Variants in TRERF1 observed in about 807,000 individuals in gnomAD.
The protein encoded by TRERF1 is transcriptional regulating factor 1.
In TRERF1, 27 loss-of-function variants were observed where a neutral mutation model predicts 122.9. That is an observed-to-expected ratio of 0.22 (90% CI 0.16 to 0.30). The LOEUF (loss-of-function observed/expected upper bound fraction) is 0.30, where lower values mean the gene tolerates loss of function less well. Among genes scored for constraint, TRERF1 ranks in the 10% least tolerant of loss-of-function variants. The pLI is 1.00. For synonymous variants in TRERF1, 636 were observed against 641.7 expected, an observed-to-expected ratio of 0.99 and a Z score of 0.13; for missense variants, 1,248 against 1,560.3, an observed-to-expected ratio of 0.80 and a Z score of 3.37.
At chr6:42,384,508 C>T (rs1776464691) in intron 2 of TRERF1, among the ~76,000 whole-genome samples, 1 of 152,100 alleles carries the variant, frequency 6.6e-6, no homozygotes, top group Non-Finnish European at 1.5e-5. Flanking sequence ...AAAGTGGTTA[C>T]CTATTGAGAG....
chr6:42,336,602 C>T (rs2150644632), intron 3 of TRERF1, among the ~76,000 whole-genome samples: 1 of 152,338 alleles, frequency 6.6e-6, no homozygotes, highest in Middle Eastern at 3.4e-3. Flanking sequence ...GATCATCCCT[C>T]TTTCCCCACT....
chr6:42,378,120 G>A (rs1012587834), intron 2 of TRERF1, among the ~76,000 whole-genome samples: 3 of 152,078 alleles, frequency 2.0e-5, no homozygotes, highest in Non-Finnish European at 4.4e-5. Context: ...ACAGCTCATT[G>A]GCCAGGTTGA....
At chr6:42,374,462 G>A (rs1187481949) in intron 2 of TRERF1, among the ~76,000 whole-genome samples, 1 of 152,192 alleles carries the variant, frequency 6.6e-6, no homozygotes. Context: ...GGAGGTAATA[G>A]CTTCCCACTG....
chr6:42,377,886 G>A (rs1306327614), intron 2 of TRERF1, among the ~76,000 whole-genome samples: 1 of 152,208 alleles, frequency 6.6e-6, no homozygotes, highest in Non-Finnish European at 1.5e-5. Context: ...CTGGCTTTAG[G>A]AACATGCAGC....
chr6:42,240,868 C>A (rs1237317519), intron 15 of TRERF1, among the ~76,000 whole-genome samples: 1 of 152,046 alleles, frequency 6.6e-6, no homozygotes, highest in Non-Finnish European at 1.5e-5. Flanking sequence ...GTTGACTGAA[C>A]TGGAGGAGAG....
chr6:42,227,373 C>T (rs757452569), exon 18 of TRERF1: 1 of 152,190 alleles, frequency 6.6e-6, no homozygotes. Flanking sequence ...CCAAGTGGCA[C>T]AAAGTAATTT....
chr6:42,451,087 TC>T (rs1412292814), intron 2 of TRERF1, 89 bp downstream of exon 2: 1 of 151,732 alleles, frequency 6.6e-6, no homozygotes, highest in Non-Finnish European at 1.5e-5. Flanking sequence ...TCCCCACTCT[TC>T]CCTCCCCACT....
intron 3 of TRERF1, among the ~76,000 whole-genome samples, chr6:42,352,139 G>A (rs891863398): frequency 6.6e-6 from 1 of 152,014 alleles, no homozygotes; most frequent in African/African-American, 2.4e-5. Context: ...TGGGTAGCTG[G>A]GACCACAGGC....
intron 3 of TRERF1, among the ~76,000 whole-genome samples, chr6:42,327,091 G>C (rs1561995309): frequency 6.6e-6 from 1 of 152,200 alleles, no homozygotes; most frequent in Non-Finnish European, 1.5e-5. Context: ...GTAAGGGCGG[G>C]AGGTGGGGGG....
At chr6:42,313,102 C>A (rs1761942439) in intron 3 of TRERF1, among the ~76,000 whole-genome samples, 1 of 152,020 alleles carries the variant, frequency 6.6e-6, no homozygotes, top group South Asian at 2.1e-4. Context: ...GAGAGGGGAA[C>A]CAGCAGAAGT....
intron 17 of TRERF1, among the ~76,000 whole-genome samples, chr6:42,230,584 A>C (rs1474927998): frequency 6.6e-6 from 1 of 152,112 alleles, no homozygotes; most frequent in Non-Finnish European, 1.5e-5. Flanking sequence ...GATCACTGAG[A>C]GTCAGCTGAG....
intron 17 of TRERF1, among the ~76,000 whole-genome samples, chr6:42,231,647 A>G (rs1770560854): frequency 6.6e-6 from 1 of 152,260 alleles, no homozygotes; most frequent in Non-Finnish European, 1.5e-5. Context: ...GATGTAATTC[A>G]TAACAATGTA....
At chr6:42,260,724 A>C (rs939207558) in intron 8 of TRERF1, among the ~76,000 whole-genome samples, 1 of 152,026 alleles carries the variant, frequency 6.6e-6, no homozygotes, top group African/African-American at 2.4e-5. Context: ...GAGACTCCTG[A>C]GCCCAGGGTG....
chr6:42,452,190 A>C (rs1582332072), upstream of TRERF1: 1 of 115,030 alleles, frequency 8.7e-6, no homozygotes, highest in African/African-American at 3.4e-5. Context: ...CAGCAAATCG[A>C]CTGTCAAATT....
chr6:42,353,257 T>C (rs1299475208), intron 3 of TRERF1, among the ~76,000 whole-genome samples: 1 of 151,756 alleles, frequency 6.6e-6, no homozygotes. Flanking sequence ...ATGCAAAGTA[T>C]ACACCAGAGT....
chr6:42,414,495 T>G (rs1489023173), intron 2 of TRERF1, among the ~76,000 whole-genome samples: 1 of 152,268 alleles, frequency 6.6e-6, no homozygotes, highest in Non-Finnish European at 1.5e-5. Context: ...ACTCTGCAAC[T>G]TGCTTTTTTC....
At chr6:42,394,605 A>G (rs1376847606) in intron 2 of TRERF1, among the ~76,000 whole-genome samples, 2 of 152,218 alleles carry the variant, frequency 1.3e-5, no homozygotes, top group African/African-American at 2.4e-5. Flanking sequence ...GAAATGGTCT[A>G]TAGATGCTTA....
intron 10 of TRERF1, 140 bp downstream of exon 10, chr6:42,257,995 C>T (rs1223121355): frequency 4.3e-6 from 3 of 691,232 alleles, no homozygotes; most frequent in Non-Finnish European, 7.2e-6. Context: ...TGCAGGGAAA[C>T]AACAGTACTC....
intron 2 of TRERF1, among the ~76,000 whole-genome samples, chr6:42,390,084 G>A (rs566085402): frequency 6.6e-6 from 1 of 152,238 alleles, no homozygotes; most frequent in South Asian, 2.1e-4. Flanking sequence ...GTCATCAGGT[G>A]GAAATGAAAA....
Sources: gnomAD v4.1 joint callset for allele counts (sites outside exome capture counted in the v4.1 genomes callset) on GRCh38, gnomAD v4.1.1 for gene constraint, MANE v1.5 for transcripts, NCBI Gene and HGNC (gene_info 2026-07-23, HGNC 2026-07-21) for gene names.